The following MAST2 variants were observed in gnomAD, a reference collection of about 807,000 sequenced individuals.
The protein encoded by MAST2 is microtubule associated serine/threonine kinase 2, also known as microtubule-associated serine/threonine-protein kinase 2.
A neutral mutation model predicts 147.4 loss-of-function variants in MAST2; 70 were observed. The observed-to-expected ratio is 0.47, with a 90% confidence interval of 0.39 to 0.58. The LOEUF (loss-of-function observed/expected upper bound fraction) is 0.58. MAST2 is among the 20% of genes least tolerant of loss of function. MAST2 has a pLI of 0.00. For synonymous variants in MAST2, 869 were observed against 896.8 expected, an observed-to-expected ratio of 0.97 and a Z score of 0.55; for missense variants, 2,080 against 2,302.3, an observed-to-expected ratio of 0.90 and a Z score of 1.98.
chr1:45,804,761 G>A (rs1466521249), intron 1 of MAST2, among the ~76,000 whole-genome samples: 1 of 152,232 alleles, frequency 6.6e-6, no homozygotes. Flanking sequence ...ATATGTTTAT[G>A]TAATTTATTA....
chr1:45,860,057 A>T (rs7516176), intron 3 of MAST2, among the ~76,000 whole-genome samples: 152,002 of 152,238 alleles, frequency 1, 75,887 homozygotes, highest in Non-Finnish European at 1. Flanking sequence ...GCATATCCAC[A>T]TTGATAAAAA....
chr1:45,951,983 A>C (rs34446427), intron 4 of MAST2, among the ~76,000 whole-genome samples: 51,584 of 152,076 alleles, frequency 0.34, 9,138 homozygotes, highest in African/African-American at 0.43. Flanking sequence ...CCCCATCTAG[A>C]TACATTGCAG....
At chr1:45,962,169 A>T (rs988754930) in intron 5 of MAST2, among the ~76,000 whole-genome samples, 12 of 152,080 alleles carry the variant, frequency 7.9e-5, no homozygotes, top group Admixed American at 5.2e-4. Flanking sequence ...CCAGTCTATC[A>T]TTGTTGGACA....
chr1:45,949,406 G>T (rs2148851842), intron 4 of MAST2, among the ~76,000 whole-genome samples: 2 of 152,270 alleles, frequency 1.3e-5, no homozygotes, highest in Middle Eastern at 6.8e-3. Context: ...AGTGGGCAAA[G>T]GACGTGAACA....
At chr1:45,820,076 G>A (rs1193751523) in intron 1 of MAST2, among the ~76,000 whole-genome samples, 1 of 152,072 alleles carries the variant, frequency 6.6e-6, no homozygotes, top group Admixed American at 6.5e-5. Flanking sequence ...GAGGTGCCAA[G>A]AACATACTTT....
At chr1:45,815,682 A>G (rs1367769021) in intron 1 of MAST2, among the ~76,000 whole-genome samples, 1 of 152,176 alleles carries the variant, frequency 6.6e-6, no homozygotes, top group Non-Finnish European at 1.5e-5. Flanking sequence ...GGTCTTTTAT[A>G]TTAAAGAACA....
intron 5 of MAST2, among the ~76,000 whole-genome samples, chr1:45,985,257 G>T (rs1438523431): frequency 2.6e-5 from 4 of 151,182 alleles, no homozygotes; most frequent in African/African-American, 7.3e-5. Flanking sequence ...TTGTGTGTGT[G>T]TGTGTTTTTT....
At chr1:45,897,396 G>GT (rs1648911453) in intron 4 of MAST2, among the ~76,000 whole-genome samples, 1 of 152,204 alleles carries the variant, frequency 6.6e-6, no homozygotes. Flanking sequence ...CATAGTTACA[G>GT]TTTTTTCTTA....
chr1:45,842,591 A>T (rs1645312143), intron 3 of MAST2, among the ~76,000 whole-genome samples: 1 of 152,188 alleles, frequency 6.6e-6, no homozygotes, highest in African/African-American at 2.4e-5. Flanking sequence ...CATTTAGCAT[A>T]ATGTTTGGAT....
At chr1:46,033,130 C>G (rs906639452) in intron 26 of MAST2, among the ~76,000 whole-genome samples, 1 of 152,062 alleles carries the variant, frequency 6.6e-6, no homozygotes, top group Non-Finnish European at 1.5e-5. Context: ...AAAAATTAGC[C>G]AAGCGTGGTG....
intron 3 of MAST2, among the ~76,000 whole-genome samples, chr1:45,868,951 A>G (rs563448361): frequency 7.8e-4 from 119 of 152,316 alleles, no homozygotes; most frequent in Non-Finnish European, 1.4e-3. Flanking sequence ...TTTTAGTACC[A>G]CTAAGATATT....
At chr1:46,029,078 C>G in intron 18 of MAST2, 145 bp downstream of exon 18, 1 of 898,214 alleles carries the variant, frequency 1.1e-6, no homozygotes, top group Non-Finnish European at 1.7e-6. Flanking sequence ...GGATGGGTGT[C>G]TCTGTGTTTC....
In MAST2 at chr1:45,958,954, G is replaced by A. The variant is rs75644821; in HGVS notation, c.501-432G>A. ...ATATTACTTAATTCACGGACTAAAC[G>A]TTCTAAAAATAATAATTTCATAGAT... On this transcript the variant is annotated intron_variant, in intron 4 of 28. Transcript: ENST00000361297. Among the ~76,000 whole-genome samples the A allele has an allele frequency of 3.6e-3, 541 of 152,214 alleles. 6 individuals are homozygous for A. Among genetic ancestry groups the A allele is most frequent in the East Asian group, 0.034 (175 of 5,182 alleles).
chr1:45,953,502 T>C (rs1659228920), intron 4 of MAST2, among the ~76,000 whole-genome samples: 1 of 152,212 alleles, frequency 6.6e-6, no homozygotes, highest in South Asian at 2.1e-4. Context: ...TTATGTAGTA[T>C]GTTAGAAGAT....
chr1:46,022,550 G>C (rs543410150), intron 12 of MAST2, among the ~76,000 whole-genome samples: 1 of 151,766 alleles, frequency 6.6e-6, no homozygotes, highest in South Asian at 2.1e-4. Context: ...TAGGTATCCT[G>C]CTCCTGCCTT....
chr1:46,034,530 G>C lies in MAST2; in HGVS notation c.3869-8G>C, dbSNP rs1433494536. 2 of 1,610,848 alleles carry C rather than the reference G, an allele frequency of 1.2e-6. No individual in the cohort carries two copies. Among genetic ancestry groups the C allele is most frequent in the South Asian group, 1.1e-5 (1 of 90,470 alleles). ...TTTGTCTGTCTGTCTGTCTGTCTCT[G>C]TACAAAGTGGGAGGGAATTCATCAC... is the stretch of plus-strand genomic sequence containing the variant. On this transcript the variant is annotated splice_region_variant and splice_polypyrimidine_tract_variant and intron_variant, in intron 28 of 28. Transcript: ENST00000361297.
Position 46,017,504 on chromosome 1 carries a change from G to A in MAST2, c.1189-2092G>A, listed in dbSNP as rs187661283. 6.8e-3 allele frequency among the ~76,000 whole-genome samples: 1,042 copies of A among 152,234 alleles called. 12 individuals are homozygous for A. The highest frequency in any genetic ancestry group is 0.024 in the African/African-American group (981 of 41,510). The stretch of plus-strand genomic sequence containing the variant: ...AAAACAACCCCATCAAAAAGTGGGC[G>A]AAGGACATGAGCAGACACTTCTCAA... On this transcript the variant is annotated intron_variant, in intron 10 of 28. Transcript: ENST00000361297.
At chr1:46,015,423 G>A (rs571373999) in intron 10 of MAST2, among the ~76,000 whole-genome samples, 19 of 152,192 alleles carry the variant, frequency 1.2e-4, no homozygotes, top group African/African-American at 4.3e-4. Context: ...TTGATAGACC[G>A]CTACCAAGAC....
Position 45,816,200 on chromosome 1 carries a change from T to TGG in MAST2, c.178-8227_178-8226dup, listed in dbSNP as rs997840893. Among the ~76,000 whole-genome samples, 7 of 60,860 alleles carry TGG rather than the reference T, an allele frequency of 1.2e-4. No homozygotes were observed. The Admixed American group carries it at 1.2e-3, about 10-fold the overall frequency. The allele number at this position is 60,860 out of a possible 152,430, so 39.9% of individuals were successfully genotyped here. On this transcript the variant is annotated intron_variant, in intron 1 of 28. Transcript: ENST00000361297. ...AAGAAAGGCAGCTTGGTATTGGGGGTGGGGGGGAGAGAGAGAGAGAAAGAG... is the reference window on the plus strand; with the variant it reads ...AAGAAAGGCAGCTTGGTATTGGGGGTGGGGGGGGGAGAGAGAGAGAGAAAGAG...
Sources: gnomAD v4.1 joint callset for allele counts (sites outside exome capture counted in the v4.1 genomes callset) on GRCh38, gnomAD v4.1.1 for gene constraint, MANE v1.5 for transcripts, NCBI Gene and HGNC (gene_info 2026-07-23, HGNC 2026-07-21) for gene names.